Variants in DCST2 observed in about 807,000 individuals in gnomAD.
DCST2 encodes DC-STAMP domain-containing protein 2.
Under a neutral mutation model 81.8 loss-of-function variants are expected in DCST2, and 64 were observed. The observed-to-expected ratio is 0.78, with a 90% confidence interval of 0.64 to 0.96. The LOEUF is 0.96. Among genes scored for constraint, DCST2 ranks in the 40% least tolerant of loss-of-function variants. The probability of loss-of-function intolerance (pLI) is 0.00; values close to 1 mark genes in which losing one functional copy is unlikely to be tolerated. For missense variants in DCST2, 945 were observed against 1,001.4 expected (o/e 0.94, Z 0.76); for synonymous variants, 354 against 402.6 (o/e 0.88, Z 1.44).
intron 4 of DCST2, 59 bp downstream of exon 4, chr1:155,031,515 T>TTCCCCCCCCCCCCCCCC: frequency 9.3e-6 from 6 of 643,126 alleles, no homozygotes; most frequent in Admixed American, 2.0e-5. Flanking sequence ...ACCCCCACAT[T>TTCCCCCCCCCCCCCCCC]CCCACCCCAC....
intron 4 of DCST2, 55 bp downstream of exon 4, chr1:155,031,519 A>ACC: frequency 1.2e-4 from 51 of 412,654 alleles, no homozygotes; most frequent in South Asian, 4.5e-4. Flanking sequence ...CCACATTCCC[A>ACC]CCCCACCCCA....
chr1:155,022,527 T>C (rs1659783892), intron 14 of DCST2, among the ~76,000 whole-genome samples: 1 of 152,054 alleles, frequency 6.6e-6, no homozygotes, highest in Admixed American at 6.6e-5. Flanking sequence ...GCTCAGGAGT[T>C]TGAGACCAGC....
rs1307014682 is a variant in DCST2 at position 155,033,717 on chromosome 1, A to G, written c.-16T>C. 6.2e-7 allele frequency: 1 copy of G among 1,607,636 alleles called. No individual in the cohort carries two copies. Among genetic ancestry groups the G allele is most frequent in the Admixed American group, 1.7e-5 (1 of 59,470 alleles). On this transcript the variant is annotated 5_prime_UTR_variant, in exon 1 of 15. Transcript: ENST00000368424. ...CTTTGGGCATGGCTGCTGAGACCAA[A>G]TGTCTGCCTGTCTCCAGGAGATGCC...
rs373428400 is a variant in DCST2, at chr1:155,026,993, A to AC, written c.1343-279dup. 3.1e-3 allele frequency among the ~76,000 whole-genome samples: 464 copies of AC among 148,770 alleles called. 2 individuals carry two copies. The highest frequency in any genetic ancestry group is 0.011 in the African/African-American group (439 of 40,290). ...GATGACCTTAATGGTCAGTGAGTCC[A>AC]CCCCCCGGCCTCCATGACCACCCAG... is the stretch of plus-strand genomic sequence containing the variant. On this transcript the variant is annotated intron_variant, in intron 8 of 14. Transcript: ENST00000368424.
intron 10 of DCST2, among the ~76,000 whole-genome samples, chr1:155,025,489 C>A (rs1344409403): frequency 1.3e-5 from 2 of 150,198 alleles, no homozygotes; most frequent in African/African-American, 4.9e-5. Context: ...CCACCACGCC[C>A]GGCTAATTTT....
chr1:155,023,125 G>C lies in DCST2; in HGVS notation c.2097C>G (p.Ser699=), dbSNP rs754305707. 6.2e-7 allele frequency: 1 copy of C among 1,612,268 alleles called. No individual in the cohort carries two copies. The highest frequency in any genetic ancestry group is 1.3e-5 in the African/African-American group (1 of 74,934). The change falls in exon 14 of 15, where the codon TCC becomes TCG. Residue 699 remains serine (S), a synonymous_variant. Transcript: ENST00000368424. ...LGRSLSMEST[S]ESSDLDEEKG... is the part of the protein sequence containing the mutation. ...TCCTGCTTCCTGCTCACCTGGACTC[G>C]GAAGTGGACTCCATTGAGAGGCTCC...
intron 10 of DCST2, 48 bp downstream of exon 10, chr1:155,026,254 C>T: frequency 6.3e-7 from 1 of 1,594,532 alleles, no homozygotes; most frequent in African/African-American, 1.3e-5. Context: ...ACTAGCTAAG[C>T]CCCCTGGGGA....
At chr1:155,031,515 T>TGGCCCCCCCC in intron 4 of DCST2, 59 bp downstream of exon 4, 1 of 643,126 alleles carries the variant, frequency 1.6e-6, no homozygotes, top group Non-Finnish European at 2.9e-6. Flanking sequence ...ACCCCCACAT[T>TGGCCCCCCCC]CCCACCCCAC....
At position 155,026,316 on chromosome 1, in the gene DCST2, G is replaced by A; in HGVS notation, c.1597C>T (p.Pro533Ser). 1 of 1,613,784 alleles carries A rather than the reference G, an allele frequency of 6.2e-7. No individual in the cohort carries two copies. Among genetic ancestry groups the A allele is most frequent in the South Asian group, 1.1e-5 (1 of 91,072 alleles). ...LRRVICASYYPSREQERISYL... is the reference protein window; with the variant it reads ...LRRVICASYYSSREQERISYL... ...GGACCCCTCACCTGCTCCCGGGATG[G>A]GTAGTAGGAGGCACAGATGACTCGC... The change falls in exon 10 of 15, where the codon CCA becomes TCA. Residue 533 changes from proline to serine, a missense_variant. By Grantham distance (74) the Pro-to-Ser change is moderately conservative (BLOSUM62 -1). Coordinates refer to ENST00000368424, the MANE Select transcript of DCST2 (RefSeq NM_144622.3).
At chr1:155,030,672 G>A (rs1348389029) in intron 5 of DCST2, 27 bp from the exon 6 acceptor site, 12 of 1,612,398 alleles carry the variant, frequency 7.4e-6, no homozygotes, top group East Asian at 6.7e-5. Context: ...CAGGGGAGAC[G>A]TGGGCAAGGA....
At position 155,031,357 on chromosome 1, in the gene DCST2, A is replaced by G. The variant is rs888279421; in HGVS notation, c.740-123T>C. The G allele has an allele frequency of 3.5e-6, 4 of 1,148,868 alleles. No individual in the cohort carries two copies. The African/African-American group carries it at 6.3e-5, about 18-fold the overall frequency. The allele number at this position is 1,148,868 out of a possible 1,614,324, so 71.2% of individuals were successfully genotyped here. Reference sequence around the variant, plus strand: ...TCCTATTGGCCTCCACATTTGCTCAAAACCTTGTAGCACCTCCCTGTCGCC... The same window carrying G: ...TCCTATTGGCCTCCACATTTGCTCAGAACCTTGTAGCACCTCCCTGTCGCC... On this transcript the variant is annotated intron_variant, in intron 4 of 14. Transcript: ENST00000368424.
chr1:155,030,226 C>A lies in DCST2; in HGVS notation c.1035G>T (p.Arg345=), dbSNP rs1262661676. The change falls in exon 7 of 15, where the codon CGG becomes CGT. Residue 345 remains arginine, a synonymous_variant. Transcript: ENST00000368424. ...AATGGTCCCAGTTCAGGTAACAATACCGGTAAAATAGGGCTCTGGGAAGGG... is the reference window on the plus strand; with the variant it reads ...AATGGTCCCAGTTCAGGTAACAATAACGGTAAAATAGGGCTCTGGGAAGGG... ...VLLYLQALFY[R]YCYLNWDHYD... is the part of the protein sequence containing the mutation. 1 of 1,613,986 alleles carries A rather than the reference C, an allele frequency of 6.2e-7. No homozygotes were observed. Among genetic ancestry groups the A allele is most frequent in the Non-Finnish European group, 8.5e-7 (1 of 1,180,024 alleles).
intron 8 of DCST2, among the ~76,000 whole-genome samples, chr1:155,028,152 C>T (rs946451065): frequency 6.6e-6 from 1 of 151,978 alleles, no homozygotes; most frequent in Admixed American, 6.6e-5. Flanking sequence ...TCTCAAACTC[C>T]TGACTTCAGG....
At chr1:155,020,061 C>T (rs1659706336) in intron 14 of DCST2, among the ~76,000 whole-genome samples, 2 of 152,210 alleles carry the variant, frequency 1.3e-5, no homozygotes, top group Admixed American at 1.3e-4. Flanking sequence ...CTCTCCCCCT[C>T]TGCCTCTGCC....
chr1:155,033,368 C>T, intron 1 of DCST2, 66 bp downstream of exon 1: 1 of 1,591,966 alleles, frequency 6.3e-7, no homozygotes, highest in Non-Finnish European at 8.6e-7. Context: ...TGCCTCTCCT[C>T]CAGCATCTCT....
chr1:155,031,515 T>TACCC, intron 4 of DCST2, 59 bp downstream of exon 4: 4 of 643,126 alleles, frequency 6.2e-6, no homozygotes, highest in East Asian at 3.4e-5. Flanking sequence ...ACCCCCACAT[T>TACCC]CCCACCCCAC....
intron 3 of DCST2, 88 bp downstream of exon 3, chr1:155,032,579 A>G: frequency 8.9e-7 from 1 of 1,118,188 alleles, no homozygotes; most frequent in Non-Finnish European, 1.3e-6. Context: ...GGCCTCGCAA[A>G]GTGCTGGGAT....
chr1:155,029,946 G>A (rs1055730653), intron 7 of DCST2, 138 bp downstream of exon 7: 9 of 1,319,444 alleles, frequency 6.8e-6, no homozygotes, highest in Non-Finnish European at 7.2e-6. Context: ...TAAGCTCTGG[G>A]TTGTGTCTCC....
At chr1:155,023,488 C>G in intron 12 of DCST2, 31 bp from the exon 13 acceptor site, 1 of 1,558,938 alleles carries the variant, frequency 6.4e-7, no homozygotes, top group Non-Finnish European at 8.7e-7. Context: ...TGGAGGTGAA[C>G]CCGAGTTCAC....
Sources: allele counts gnomAD v4.1 joint callset (sites outside exome capture counted in the v4.1 genomes callset), GRCh38; gene constraint gnomAD v4.1.1; transcripts MANE v1.5; gene names NCBI Gene and HGNC (gene_info 2026-07-23, HGNC 2026-07-21).